The following DGKB variants were observed in gnomAD, a reference collection of about 807,000 sequenced individuals.
The protein encoded by DGKB is 90 kDa diacylglycerol kinase.
Under a neutral mutation model 114.3 loss-of-function variants are expected in DGKB, and 67 were observed. The observed-to-expected ratio is 0.59, with a 90% confidence interval of 0.48 to 0.72. The LOEUF is 0.72. Among genes scored for constraint, DGKB ranks in the 30% least tolerant of loss-of-function variants. The pLI, the probability that DGKB is intolerant of heterozygous loss-of-function variation, is 0.00. For missense variants in DGKB, 907 were observed against 975.2 expected, an observed-to-expected ratio of 0.93 and a Z score of 0.93; for synonymous variants, 398 against 323.1, an observed-to-expected ratio of 1.23 and a Z score of -2.49.
intron 2 of DGKB, among the ~76,000 whole-genome samples, chr7:14,788,667 A>G (rs141620929): frequency 6.6e-6 from 1 of 152,222 alleles, no homozygotes; most frequent in East Asian, 1.9e-4. Context: ...TGAGCCTCTT[A>G]CTTCCCCTGG....
chr7:14,151,819 A>G (rs867781961), intron 25 of DGKB, among the ~76,000 whole-genome samples: 4 of 152,136 alleles, frequency 2.6e-5, no homozygotes, highest in South Asian at 2.1e-4. Flanking sequence ...ACTAGCATTC[A>G]GTAAATGCCT....
At chr7:14,880,487 G>T (rs1048184983) in intron 1 of DGKB, among the ~76,000 whole-genome samples, 9 of 151,992 alleles carry the variant, frequency 5.9e-5, no homozygotes, top group African/African-American at 1.9e-4. Context: ...GCAAATAAAA[G>T]TTGCATATTG....
At chr7:14,334,550 T>A (rs1810345054) in intron 23 of DGKB, among the ~76,000 whole-genome samples, 1 of 152,170 alleles carries the variant, frequency 6.6e-6, no homozygotes, top group South Asian at 2.1e-4. Context: ...TATATTTTTA[T>A]TATAGTTTTT....
chr7:14,900,512 C>T (rs896117120), intron 1 of DGKB, among the ~76,000 whole-genome samples: 2 of 152,030 alleles, frequency 1.3e-5, no homozygotes, highest in African/African-American at 2.4e-5. Flanking sequence ...TATCAGTAGG[C>T]AGAATTAGAT....
chr7:14,843,139 C>T (rs1848165395), intron 1 of DGKB, among the ~76,000 whole-genome samples: 1 of 151,310 alleles, frequency 6.6e-6, no homozygotes, highest in Admixed American at 6.6e-5. Context: ...ATCACTGGAG[C>T]CCAGGAGGCT....
At chr7:14,175,129 C>G (rs1473592533) in intron 25 of DGKB, among the ~76,000 whole-genome samples, 2 of 152,144 alleles carry the variant, frequency 1.3e-5, no homozygotes, top group Non-Finnish European at 2.9e-5. Context: ...AGAGAATGGG[C>G]TTTAATTAAA....
intron 21 of DGKB, among the ~76,000 whole-genome samples, chr7:14,430,593 C>T (rs779553394): frequency 8.6e-5 from 13 of 152,016 alleles, no homozygotes; most frequent in Non-Finnish European, 1.9e-4. Flanking sequence ...ACATTGATTC[C>T]GTAAATGTTT....
intron 20 of DGKB, among the ~76,000 whole-genome samples, chr7:14,515,503 T>C (rs574690219): frequency 6.6e-6 from 1 of 152,176 alleles, no homozygotes; most frequent in Non-Finnish European, 1.5e-5. Flanking sequence ...AATTAAAATA[T>C]ATTAAACTAC....
At position 14,148,990 on chromosome 7, in the gene DGKB, T is replaced by G. The variant is rs1781778990; in HGVS notation, c.*141A>C. On this transcript the variant is annotated 3_prime_UTR_variant, in exon 26 of 26. Coordinates refer to ENST00000402815, the MANE Select transcript of DGKB (RefSeq NM_001350709.2). ...AATTTTCTAATAGCTGAATTTTACA[T>G]TAGCTTAGTAACAAAAACTGTTAAA... 6 of 701,960 alleles carry G rather than the reference T, an allele frequency of 8.5e-6. No homozygotes were observed. The highest frequency in any genetic ancestry group is 3.5e-5 in the South Asian group (2 of 56,686). 43.5% of individuals were successfully genotyped at this position (701,960 alleles called of 1,614,324 possible).
chr7:14,481,741 T>C (rs1018197471), intron 20 of DGKB, among the ~76,000 whole-genome samples: 1 of 151,992 alleles, frequency 6.6e-6, no homozygotes, highest in Non-Finnish European at 1.5e-5. Context: ...TTTGGAGGAA[T>C]GAATTCCAAT....
intron 2 of DGKB, among the ~76,000 whole-genome samples, chr7:14,790,320 T>C (rs1393276138): frequency 1.3e-5 from 2 of 152,200 alleles, no homozygotes; most frequent in Non-Finnish European, 2.9e-5. Flanking sequence ...TATTTTTCCT[T>C]TTATGGATTG....
At chr7:14,245,653 C>T (rs1015332880) in intron 23 of DGKB, among the ~76,000 whole-genome samples, 2 of 152,100 alleles carry the variant, frequency 1.3e-5, no homozygotes, top group African/African-American at 2.4e-5. Flanking sequence ...TTCTGCCAGG[C>T]GAGACGGCTG....
chr7:14,683,555 T>C (rs1821189970), intron 10 of DGKB, among the ~76,000 whole-genome samples: 1 of 152,132 alleles, frequency 6.6e-6, no homozygotes, highest in Non-Finnish European at 1.5e-5. Context: ...TTCAAATTCT[T>C]TATGGTTTGA....
At chr7:14,170,822 G>A (rs1356797816) in intron 25 of DGKB, among the ~76,000 whole-genome samples, 3 of 152,170 alleles carry the variant, frequency 2.0e-5, no homozygotes, top group East Asian at 3.9e-4. Context: ...CTAGATAACT[G>A]CAGTAGCTAG....
chr7:14,780,057 A>T (rs936434816), intron 2 of DGKB, among the ~76,000 whole-genome samples: 10 of 152,240 alleles, frequency 6.6e-5, no homozygotes, highest in African/African-American at 2.4e-4. Context: ...TGGGGCATGG[A>T]AAGTATGGAA....
At position 14,872,519 on chromosome 7, in the gene DGKB, G is replaced by A. The variant is rs933632111; in HGVS notation, c.-188+30073C>T. ...GTTATATGCACTCTCTATGCTTAAC[G>A]TAGGTCCTATTTAAGGTAGATACTG... On this transcript the variant is annotated intron_variant, in intron 1 of 25. Coordinates refer to ENST00000402815, the MANE Select transcript of DGKB (RefSeq NM_001350709.2). Among the ~76,000 whole-genome samples, 10 of 152,156 alleles carry A rather than the reference G, an allele frequency of 6.6e-5. No individual in the cohort carries two copies. The East Asian group carries it at 1.5e-3, about 23-fold the overall frequency.
At chr7:14,500,607 T>G (rs1442129747) in intron 20 of DGKB, among the ~76,000 whole-genome samples, 1 of 151,682 alleles carries the variant, frequency 6.6e-6, no homozygotes, top group Non-Finnish European at 1.5e-5. Context: ...TTATTAACCA[T>G]AAAAAATAAA....
At chr7:14,609,534 A>C (rs1805132064) in intron 16 of DGKB, among the ~76,000 whole-genome samples, 2 of 152,022 alleles carry the variant, frequency 1.3e-5, no homozygotes, top group South Asian at 4.1e-4. Flanking sequence ...ATTGACAATT[A>C]AGCTACAGAG....
chr7:14,455,987 A>G (rs1832233390), intron 21 of DGKB, among the ~76,000 whole-genome samples: 1 of 152,048 alleles, frequency 6.6e-6, no homozygotes, highest in African/African-American at 2.4e-5. Context: ...ATACAGGTTT[A>G]GCATTTCTAA....
Sources: allele counts gnomAD v4.1 joint callset (sites outside exome capture counted in the v4.1 genomes callset), GRCh38; gene constraint gnomAD v4.1.1; transcripts MANE v1.5; gene names NCBI Gene and HGNC (gene_info 2026-07-23, HGNC 2026-07-21).